Variants in GNA14 observed in about 807,000 individuals in gnomAD.
GNA14 encodes the protein G protein subunit alpha 14, also known as guanine nucleotide-binding protein subunit alpha-14.
In GNA14, 50 loss-of-function variants were observed where a neutral mutation model predicts 42.0. The observed-to-expected ratio is 1.19, with a 90% CI of 0.95 to 1.51. The LOEUF (loss-of-function observed/expected upper bound fraction) is 1.51, where lower values mean the gene tolerates loss of function less well. Among genes scored for constraint, GNA14 ranks in the 40% most tolerant of loss-of-function variants. The pLI, the probability that GNA14 is intolerant of heterozygous loss-of-function variation, is 0.00. For synonymous variants in GNA14, 173 were observed against 163.1 expected (o/e 1.06, Z -0.46); for missense variants, 473 against 446.2 (o/e 1.06, Z -0.54).
intron 1 of GNA14, among the ~76,000 whole-genome samples, chr9:77,595,266 C>T (rs1375022260): frequency 6.6e-6 from 1 of 152,156 alleles, no homozygotes; most frequent in Non-Finnish European, 1.5e-5. Flanking sequence ...CTTAGGTCAT[C>T]AAGGAATTGA....
intron 2 of GNA14, among the ~76,000 whole-genome samples, chr9:77,511,434 C>G (rs1837167538): frequency 1.3e-5 from 2 of 152,188 alleles, no homozygotes; most frequent in South Asian, 4.1e-4. Flanking sequence ...GGGATGAGGC[C>G]TATTCCTCAC....
At chr9:77,619,126 CTGTAAGA>C (rs1183344198) in intron 1 of GNA14, among the ~76,000 whole-genome samples, 1 of 152,082 alleles carries the variant, frequency 6.6e-6, no homozygotes, top group Non-Finnish European at 1.5e-5. Context: ...TTCCACTGAA[CTGTAAGA>C]GAAGATACAA....
chr9:77,563,274 G>A (rs1304467348), intron 1 of GNA14, among the ~76,000 whole-genome samples: 1 of 152,114 alleles, frequency 6.6e-6, no homozygotes, highest in Non-Finnish European at 1.5e-5. Flanking sequence ...TCATTAGGAG[G>A]GAGGTACTGA....
chr9:77,601,235 T>A (rs1823558965), intron 1 of GNA14, among the ~76,000 whole-genome samples: 1 of 152,074 alleles, frequency 6.6e-6, no homozygotes, highest in African/African-American at 2.4e-5. Context: ...TCCATTCCCC[T>A]CACCCTTCAA....
intron 1 of GNA14, 40 bp from the exon 2 acceptor site, chr9:77,529,293 T>C: frequency 6.6e-7 from 1 of 1,504,202 alleles, no homozygotes. Context: ...TCAGCAGACT[T>C]CCAAAGGAAC....
intron 2 of GNA14, among the ~76,000 whole-genome samples, chr9:77,460,660 G>A (rs1380200953): frequency 6.6e-6 from 1 of 152,156 alleles, no homozygotes; most frequent in Non-Finnish European, 1.5e-5. Context: ...AGGGCTGTGG[G>A]GACGAGTACG....
intron 1 of GNA14, among the ~76,000 whole-genome samples, chr9:77,613,168 C>T (rs1587847987): frequency 6.6e-6 from 1 of 152,182 alleles, no homozygotes; most frequent in East Asian, 1.9e-4. Context: ...CGTTATCTAA[C>T]CTATTTACCT....
chr9:77,478,282 G>T (rs553229822), intron 2 of GNA14, among the ~76,000 whole-genome samples: 3 of 151,872 alleles, frequency 2.0e-5, no homozygotes, highest in South Asian at 2.1e-4. Context: ...GCGGTGTTTG[G>T]TTTTTTGTCC....
intron 1 of GNA14, among the ~76,000 whole-genome samples, chr9:77,532,616 C>T (rs1483948544): frequency 6.6e-6 from 1 of 152,140 alleles, no homozygotes; most frequent in African/African-American, 2.4e-5. Flanking sequence ...AAAGAAAAAT[C>T]CAAAGGGTAT....
intron 1 of GNA14, among the ~76,000 whole-genome samples, chr9:77,536,641 T>C (rs1017038049): frequency 2.2e-4 from 33 of 152,314 alleles, no homozygotes; most frequent in African/African-American, 7.9e-4. Context: ...TAAGACACCG[T>C]GCCCTGCCTT....
intron 2 of GNA14, among the ~76,000 whole-genome samples, chr9:77,507,454 A>T (rs1156928335): frequency 1.3e-5 from 2 of 152,304 alleles, no homozygotes; most frequent in East Asian, 3.9e-4. Flanking sequence ...CATGTAGAGC[A>T]TGGATGCTGG....
chr9:77,634,067 A>C, intron 1 of GNA14, among the ~76,000 whole-genome samples: 1 of 152,220 alleles, frequency 6.6e-6, no homozygotes, highest in East Asian at 1.9e-4. Context: ...CAAATTTCTC[A>C]ACTGTAGTTT....
chr9:77,431,533 TCA>T, intron 3 of GNA14, 84 bp from the exon 4 acceptor site: 1 of 1,259,470 alleles, frequency 7.9e-7, no homozygotes, highest in Non-Finnish European at 1.1e-6. Context: ...CACCCCCCAC[TCA>T]CAGTGAGCCC....
At chr9:77,439,854 G>A (rs780550543) in intron 2 of GNA14, among the ~76,000 whole-genome samples, 4 of 152,100 alleles carry the variant, frequency 2.6e-5, no homozygotes, top group South Asian at 2.1e-4. Flanking sequence ...ACAAAGAGTC[G>A]GAAGAGGACA....
intron 2 of GNA14, among the ~76,000 whole-genome samples, chr9:77,484,541 G>C (rs1466318212): frequency 6.6e-6 from 1 of 152,184 alleles, no homozygotes; most frequent in Non-Finnish European, 1.5e-5. Flanking sequence ...GTTTCCATTA[G>C]AAAGTAAGAG....
intron 2 of GNA14, among the ~76,000 whole-genome samples, chr9:77,510,201 G>C (rs187435324): frequency 4.5e-4 from 68 of 152,236 alleles, no homozygotes; most frequent in African/African-American, 1.6e-3. Flanking sequence ...GGAAATTTCA[G>C]ATCAATGGGA....
At chr9:77,514,848 T>C (rs1837226316) in intron 2 of GNA14, among the ~76,000 whole-genome samples, 2 of 152,078 alleles carry the variant, frequency 1.3e-5, no homozygotes, top group Admixed American at 6.6e-5. Flanking sequence ...CTCCTGTCCT[T>C]GTGATCCGCC....
intron 2 of GNA14, among the ~76,000 whole-genome samples, chr9:77,488,407 C>T (rs1235127026): frequency 3.3e-5 from 5 of 152,142 alleles, no homozygotes; most frequent in Admixed American, 6.6e-5. Context: ...GCATCATGAG[C>T]GCCTGAAAAG....
rs142036405 is a variant in GNA14, at chr9:77,631,018, C to A, written c.124+16652G>T. Among the ~76,000 whole-genome samples the A allele has an allele frequency of 9.3e-3, 1,410 of 152,256 alleles. 15 individuals carry two copies. Among genetic ancestry groups the A allele is most frequent in the Middle Eastern group, 0.027 (8 of 294 alleles). On this transcript the variant is annotated intron_variant, in intron 1 of 6. Coordinates refer to ENST00000341700, the MANE Select transcript of GNA14 (RefSeq NM_004297.4). ...AGATATATTGTTGAGTATCAAGAGG[C>A]TAAGAGCAAAACAGCGTATATTATT...
Sources: allele counts gnomAD v4.1 joint callset (sites outside exome capture counted in the v4.1 genomes callset), GRCh38; gene constraint gnomAD v4.1.1; transcripts MANE v1.5; gene names NCBI Gene and HGNC (gene_info 2026-07-23, HGNC 2026-07-21).